VOPP1: variants seen among roughly 807,000 people sequenced by gnomAD.
VOPP1 encodes WW domain binding protein VOPP1.
VOPP1 carries 8 observed loss-of-function variants against 23.5 expected under a neutral mutation model. That is an observed-to-expected ratio of 0.34 (90% confidence interval 0.20 to 0.61). The LOEUF (loss-of-function observed/expected upper bound fraction) is 0.61, where lower values mean the gene tolerates loss of function less well. VOPP1 is among the 20% of genes least tolerant of loss of function. VOPP1 has a pLI of 0.78. For missense variants in VOPP1, 174 were observed against 238.1 expected (o/e 0.73, Z 1.77); for synonymous variants, 83 against 97.3 (o/e 0.85, Z 0.86).
chr7:55,538,731 G>T, intron 1 of VOPP1: 1 of 1,430,756 alleles, frequency 7.0e-7, no homozygotes, highest in Non-Finnish European at 9.5e-7. Flanking sequence ...ATGAGTCATG[G>T]CCATTCCTAT....
chr7:55,512,515 T>C (rs1338000579), intron 2 of VOPP1, among the ~76,000 whole-genome samples: 9 of 152,170 alleles, frequency 5.9e-5, no homozygotes, highest in Admixed American at 5.9e-4. Flanking sequence ...TTTCTCCCTG[T>C]TATAGAGACG....
chr7:55,489,903 G>T (rs185928229), intron 4 of VOPP1, among the ~76,000 whole-genome samples: 1 of 152,168 alleles, frequency 6.6e-6, no homozygotes, highest in Non-Finnish European at 1.5e-5. Context: ...AGAAAGTGGA[G>T]ATGTGAAGCA....
intron 1 of VOPP1, chr7:55,552,543 T>C (rs1170744182): frequency 1.3e-5 from 20 of 1,516,164 alleles, no homozygotes; most frequent in Non-Finnish European, 1.8e-5. Context: ...AACACAAGCA[T>C]GATTTTCCCA....
chr7:55,446,289 G>A (rs945497761), intron 4 of VOPP1, among the ~76,000 whole-genome samples: 12 of 152,114 alleles, frequency 7.9e-5, no homozygotes, highest in South Asian at 4.1e-4. Flanking sequence ...CACCGCGCCC[G>A]GCCGAGGTGA....
At chr7:55,506,598 A>C (rs1459060903) in intron 2 of VOPP1, among the ~76,000 whole-genome samples, 1 of 151,664 alleles carries the variant, frequency 6.6e-6, no homozygotes. Flanking sequence ...TGGCCTCCTA[A>C]AGTGCTGGGA....
chr7:55,530,193 C>T (rs1796421090), intron 1 of VOPP1, among the ~76,000 whole-genome samples: 1 of 152,148 alleles, frequency 6.6e-6, no homozygotes, highest in Admixed American at 6.5e-5. Context: ...GGCAGCTGCA[C>T]TACTTTACAT....
chr7:55,565,246 G>A (rs961114941), intron 1 of VOPP1, among the ~76,000 whole-genome samples: 2 of 152,082 alleles, frequency 1.3e-5, no homozygotes, highest in East Asian at 1.9e-4. Flanking sequence ...GATCACCTTC[G>A]CGTTTAGACA....
At chr7:55,547,440 A>G (rs117947127) in intron 1 of VOPP1, among the ~76,000 whole-genome samples, 2 of 152,322 alleles carry the variant, frequency 1.3e-5, no homozygotes, top group East Asian at 3.9e-4. Context: ...TAAGTACAGG[A>G]ATCTTTAATT....
intron 2 of VOPP1, among the ~76,000 whole-genome samples, chr7:55,515,499 C>A (rs1795345150): frequency 6.6e-6 from 1 of 152,206 alleles, no homozygotes; most frequent in South Asian, 2.1e-4. Context: ...AAGGAAACTG[C>A]AAATATTAGG....
At chr7:55,488,428 T>C (rs1793305031) in intron 4 of VOPP1, among the ~76,000 whole-genome samples, 1 of 152,162 alleles carries the variant, frequency 6.6e-6, no homozygotes, top group Admixed American at 6.5e-5. Flanking sequence ...TCCTGGTTCC[T>C]GGGCTGGCCT....
Position 55,521,098 on chromosome 7 carries a change from G to T in VOPP1, c.87C>A (p.Phe29Leu). ...CTEAKKHCWY[F>L]EGLYPTYYIC... ...TATAATAGGTTGGATAGAGTCCTTCGAAATACCAGCAATGCTTTTTGGCTT... is the reference window on the plus strand; with the variant it reads ...TATAATAGGTTGGATAGAGTCCTTCTAAATACCAGCAATGCTTTTTGGCTT... The change falls in exon 2 of 5, where the codon TTC (phenylalanine) becomes TTA (leucine). Residue 29 changes from phenylalanine to leucine, a missense_variant. Physicochemically the swap from Phe to Leu is conservative, Grantham distance 22. Coordinates refer to ENST00000285279, the MANE Select transcript of VOPP1 (RefSeq NM_030796.5). 1 of 1,583,728 alleles carries T rather than the reference G, an allele frequency of 6.3e-7. No homozygotes were observed. Among genetic ancestry groups the T allele is most frequent in the African/African-American group, 1.3e-5 (1 of 74,526 alleles).
At chr7:55,496,295 C>T (rs1441130679) in intron 3 of VOPP1, among the ~76,000 whole-genome samples, 1 of 75,990 alleles carries the variant, frequency 1.3e-5, no homozygotes, top group African/African-American at 5.6e-5. Flanking sequence ...CTCCAAGGTC[C>T]CAGGAGGAGG....
chr7:55,552,686 T>C (rs1187926094), intron 1 of VOPP1: 1 of 1,535,932 alleles, frequency 6.5e-7, no homozygotes, highest in Non-Finnish European at 8.7e-7. Flanking sequence ...TGGGGGGCAC[T>C]CAGGTCCTGG....
chr7:55,485,578 C>T lies in VOPP1; in HGVS notation c.328+6704G>A, dbSNP rs538085583. Among the ~76,000 whole-genome samples the T allele has an allele frequency of 1.3e-3, 203 of 152,376 alleles. 1 individual carries two copies. The highest frequency in any genetic ancestry group is 8.3e-3 in the South Asian group (40 of 4,832). On this transcript the variant is annotated intron_variant, in intron 4 of 4. Coordinates refer to ENST00000285279, the MANE Select transcript of VOPP1 (RefSeq NM_030796.5). ...TTCTATGAGAGGAGGTCGGAAGTCA[C>T]TGTCGCCCTGTCCTCATCCCAGAGC...
chr7:55,486,419 C>T (rs1583882044), intron 4 of VOPP1, among the ~76,000 whole-genome samples: 1 of 152,144 alleles, frequency 6.6e-6, no homozygotes, highest in Non-Finnish European at 1.5e-5. Context: ...CTGTGCAAAC[C>T]ATAATAGCAA....
At chr7:55,482,641 G>A (rs1045264775) in intron 4 of VOPP1, among the ~76,000 whole-genome samples, 2 of 152,042 alleles carry the variant, frequency 1.3e-5, no homozygotes, top group African/African-American at 4.8e-5. Context: ...GTCCGGCCAA[G>A]AGGAGGAAGG....
chr7:55,538,746 G>C lies in VOPP1; in HGVS notation c.55-17616C>G, dbSNP rs146152277. 5.0e-3 allele frequency: 6,327 copies of C among 1,266,642 alleles called. 27 individuals are homozygous for C. Among genetic ancestry groups the C allele is most frequent in the South Asian group, 7.4e-3 (552 of 74,320 alleles). 78.5% of individuals were successfully genotyped at this position (1,266,642 alleles called of 1,614,324 possible). A position where few individuals can be genotyped will look rare whatever the true frequency, so the allele number is the denominator to read the frequency against. On this transcript the variant is annotated intron_variant, in intron 1 of 4. Transcript: ENST00000285279. Reference sequence around the variant, plus strand: ...ATGAGTCATGGCCATTCCTATAAAGGAACGCTTTCTAAGGGGAATGCTGTG... The same window carrying C: ...ATGAGTCATGGCCATTCCTATAAAGCAACGCTTTCTAAGGGGAATGCTGTG...
intron 4 of VOPP1, among the ~76,000 whole-genome samples, chr7:55,436,974 A>G (rs950726310): frequency 6.6e-6 from 1 of 152,196 alleles, no homozygotes; most frequent in African/African-American, 2.4e-5. Context: ...ACATGTTGAT[A>G]AAGATATTAC....
intron 1 of VOPP1, among the ~76,000 whole-genome samples, chr7:55,559,658 G>A (rs1035405097): frequency 1.3e-5 from 2 of 152,096 alleles, no homozygotes; most frequent in African/African-American, 4.8e-5. Flanking sequence ...GCTTCCACTG[G>A]GGTGACTAGC....
Sources: allele counts gnomAD v4.1 joint callset (sites outside exome capture counted in the v4.1 genomes callset), GRCh38; gene constraint gnomAD v4.1.1; transcripts MANE v1.5; gene names NCBI Gene and HGNC (gene_info 2026-07-23, HGNC 2026-07-21).